The following BACE2 variants were observed in gnomAD, a reference collection of about 807,000 sequenced individuals.
BACE2 encodes 56 kDa aspartic-like protease.
A neutral mutation model predicts 46.2 loss-of-function variants in BACE2; 17 were observed. The observed-to-expected ratio is 0.37, with a 90% CI of 0.25 to 0.55. The LOEUF (loss-of-function observed/expected upper bound fraction) is 0.55. Among genes scored for constraint, BACE2 ranks in the 20% least tolerant of loss-of-function variants. BACE2 has a pLI of 0.82. For missense variants in BACE2, 595 were observed against 698.1 expected (o/e 0.85, Z 1.66); for synonymous variants, 277 against 295.9 (o/e 0.94, Z 0.66).
chr21:41,250,238 G>A (rs1987599787), intron 6 of BACE2, among the ~76,000 whole-genome samples: 1 of 152,150 alleles, frequency 6.6e-6, no homozygotes, highest in South Asian at 2.1e-4. Flanking sequence ...GGATCTGGAG[G>A]AGGAGAAAAA....
At chr21:41,178,945 G>C (rs1160700978) in intron 1 of BACE2, 1 of 449,808 alleles carries the variant, frequency 2.2e-6, no homozygotes, top group Non-Finnish European at 3.6e-6. Context: ...GCTTTATAAG[G>C]GCGGTTATGG....
chr21:41,169,755 G>GA (rs898599548), intron 1 of BACE2, among the ~76,000 whole-genome samples: 13 of 150,922 alleles, frequency 8.6e-5, no homozygotes, highest in East Asian at 1.9e-4. Context: ...AGTTTAGGGG[G>GA]AAAAAAAAAC....
At chr21:41,241,234 G>A (rs1601298585) in intron 3 of BACE2, among the ~76,000 whole-genome samples, 1 of 152,268 alleles carries the variant, frequency 6.6e-6, no homozygotes, top group East Asian at 1.9e-4. Context: ...CTGGCCTTGG[G>A]GGAATAAGAA....
rs1188255556 is a variant in BACE2, at chr21:41,246,051, C to T, written c.972C>T (p.Ala324=). Residue 324 remains alanine, a synonymous_variant, in exon 6 of 9, where the codon GCC becomes GCT. Coordinates refer to ENST00000330333, the MANE Select transcript of BACE2 (RefSeq NM_012105.5). ...KVFDAVVEAV[A]RASLIPEFSD... is the part of the protein sequence containing the mutation. ...TTGATGCGGTGGTGGAAGCTGTGGC[C>T]CGCGCATCTCTGGTGAGTCCTCGGG... The T allele has an allele frequency of 2.5e-6, 4 of 1,603,056 alleles. No homozygotes were observed. Among genetic ancestry groups the T allele is most frequent in the Non-Finnish European group, 3.4e-6 (4 of 1,174,716 alleles).
chr21:41,274,780 G>T (rs977693056), intron 8 of BACE2, among the ~76,000 whole-genome samples: 3 of 152,154 alleles, frequency 2.0e-5, no homozygotes, highest in Non-Finnish European at 4.4e-5. Context: ...TAAGAGTGGG[G>T]CAGGGAGGGT....
In BACE2 at chr21:41,237,275, G is replaced by A. The variant is rs540281412; in HGVS notation, c.402-238G>A. ...ATCCTGGCCAACATGGTGAAACCCC[G>A]TCTCTACTAAAATTACAAAAATTAG... On this transcript the variant is annotated intron_variant, in intron 2 of 8. Transcript: ENST00000330333. 2.6e-5 allele frequency among the ~76,000 whole-genome samples: 4 copies of A among 152,082 alleles called. No homozygotes were observed. In the South Asian group the frequency reaches 8.3e-4, roughly 32 times the overall value.
At chr21:41,260,843 G>A (rs11701756) in intron 8 of BACE2, among the ~76,000 whole-genome samples, 11,418 of 152,182 alleles carry the variant, frequency 0.075, 503 homozygotes, top group South Asian at 0.15. Context: ...ACATCCTACC[G>A]TATACTTATC....
chr21:41,168,556 T>G lies in BACE2; in HGVS notation c.293T>G (p.Ile98Ser), dbSNP rs1984467563. 7.5e-7 allele frequency: 1 copy of G among 1,331,690 alleles called. No homozygotes were observed. The highest frequency in any genetic ancestry group is 9.7e-7 in the Non-Finnish European group (1 of 1,033,346). The allele number at this position is 1,331,690 out of a possible 1,614,324, so 82.5% of individuals were successfully genotyped here. A position where few individuals can be genotyped will look rare whatever the true frequency, so the allele number is the denominator to read the frequency against. The change falls in exon 1 of 9, where the codon ATC becomes AGC. Residue 98 changes from isoleucine to serine, a missense_variant. This residue lies in a region of BACE2 where 248 missense variants were observed against 261.4 expected (regional missense o/e 0.95). Coordinates refer to ENST00000330333, the MANE Select transcript of BACE2 (RefSeq NM_012105.5). The part of the protein sequence containing the change: ...SGRGYYLEML[I>S]GTPPQKLQIL... ...CGCGGCTACTACCTGGAGATGCTGA[T>G]CGGGACCCCCCCGCAGAAGGTAGGG...
intron 1 of BACE2, among the ~76,000 whole-genome samples, chr21:41,222,004 C>A (rs948625883): frequency 6.6e-6 from 1 of 152,086 alleles, no homozygotes; most frequent in African/African-American, 2.4e-5. Flanking sequence ...TGATTGCGCA[C>A]GGGGCCCAGG....
At chr21:41,214,311 A>C (rs1986388748) in intron 1 of BACE2, among the ~76,000 whole-genome samples, 1 of 152,206 alleles carries the variant, frequency 6.6e-6, no homozygotes, top group African/African-American at 2.4e-5. Context: ...AATTGTTCTC[A>C]AAGGGCTTGT....
chr21:41,217,457 G>A (rs9981547), intron 1 of BACE2, among the ~76,000 whole-genome samples: 39,950 of 151,606 alleles, frequency 0.26, 5,828 homozygotes, highest in Non-Finnish European at 0.33. Context: ...TCTTTACCCC[G>A]TTTTAGCCAA....
intron 8 of BACE2, among the ~76,000 whole-genome samples, chr21:41,263,284 G>A (rs1036133674): frequency 5.9e-5 from 9 of 152,200 alleles, no homozygotes; most frequent in African/African-American, 1.9e-4. Flanking sequence ...ACTCTTAGGT[G>A]TATGCAAAGG....
intron 1 of BACE2, among the ~76,000 whole-genome samples, chr21:41,173,752 A>C (rs1395653066): frequency 1.3e-5 from 2 of 152,158 alleles, no homozygotes; most frequent in Non-Finnish European, 2.9e-5. Context: ...TCTCGAAAAA[A>C]AGAATTTAAA....
chr21:41,190,546 C>T (rs934475297), intron 1 of BACE2, among the ~76,000 whole-genome samples: 12 of 152,308 alleles, frequency 7.9e-5, no homozygotes, highest in Admixed American at 3.3e-4. Context: ...TGGTTGTAGC[C>T]GGTATTGATG....
At chr21:41,211,421 C>T (rs1359376335) in intron 1 of BACE2, among the ~76,000 whole-genome samples, 1 of 152,222 alleles carries the variant, frequency 6.6e-6, no homozygotes, top group African/African-American at 2.4e-5. Flanking sequence ...TTCCCCCCTC[C>T]CTTTATAAAA....
At chr21:41,213,044 T>G (rs908385497) in intron 1 of BACE2, among the ~76,000 whole-genome samples, 1 of 152,184 alleles carries the variant, frequency 6.6e-6, no homozygotes, top group African/African-American at 2.4e-5. Context: ...TAATTGGCAT[T>G]CTCTCTGCTC....
At chr21:41,248,558 T>C (rs73902976) in intron 6 of BACE2, among the ~76,000 whole-genome samples, 2,603 of 152,314 alleles carry the variant, frequency 0.017, 63 homozygotes, top group African/African-American at 0.056. Flanking sequence ...GAGAAGGGGC[T>C]CTCCCTGTGA....
chr21:41,269,447 A>G (rs2088413669), intron 8 of BACE2, among the ~76,000 whole-genome samples: 1 of 152,138 alleles, frequency 6.6e-6, no homozygotes, highest in Non-Finnish European at 1.5e-5. Context: ...CATCACCACA[A>G]ACAAGGTAGT....
intron 2 of BACE2, among the ~76,000 whole-genome samples, chr21:41,232,797 T>A (rs1159783811): frequency 6.6e-6 from 1 of 152,030 alleles, no homozygotes; most frequent in Admixed American, 6.5e-5. Context: ...AAATCATACC[T>A]CTTTTCCTTA....
Sources: gnomAD v4.1 joint callset for allele counts (sites outside exome capture counted in the v4.1 genomes callset) on GRCh38, gnomAD v4.1.1 for gene constraint, gnomAD v4.1.1 regional missense constraint, MANE v1.5 for transcripts, NCBI Gene and HGNC (gene_info 2026-07-23, HGNC 2026-07-21) for gene names.